Variants in GALNTL6 observed in about 807,000 individuals in gnomAD.
GALNTL6 encodes the protein polypeptide N-acetylgalactosaminyltransferase-like 6.
A neutral mutation model predicts 73.7 loss-of-function variants in GALNTL6; 46 were observed. The ratio of observed to expected loss-of-function variants is 0.62; its 90% CI spans 0.49 to 0.80. The LOEUF (loss-of-function observed/expected upper bound fraction) is 0.80. Ranked by LOEUF, GALNTL6 falls within the 30% of genes least tolerant of loss-of-function variation. The probability of loss-of-function intolerance (pLI) is 0.00; values close to 1 mark genes in which losing one functional copy is unlikely to be tolerated. For missense variants in GALNTL6, 604 were observed against 755.0 expected (o/e 0.80, Z 2.34); for synonymous variants, 259 against 263.7 (o/e 0.98, Z 0.17).
chr4:172,641,913 G>T (rs1560852345), intron 5 of GALNTL6, among the ~76,000 whole-genome samples: 1 of 151,908 alleles, frequency 6.6e-6, no homozygotes, highest in Non-Finnish European at 1.5e-5. Context: ...GAAAAAATGG[G>T]CGGAGGACCT....
At chr4:172,445,210 C>A (rs962652105) in intron 5 of GALNTL6, among the ~76,000 whole-genome samples, 1 of 152,124 alleles carries the variant, frequency 6.6e-6, no homozygotes, top group Non-Finnish European at 1.5e-5. Context: ...AGCCACAGCT[C>A]ATTTTAATTC....
chr4:171,865,291 G>A (rs1344942437), intron 2 of GALNTL6, among the ~76,000 whole-genome samples: 1 of 152,138 alleles, frequency 6.6e-6, no homozygotes, highest in African/African-American at 2.4e-5. Flanking sequence ...CATACAAATG[G>A]GTGCTGGCTG....
chr4:173,030,316 T>TA (rs1753404746), intron 12 of GALNTL6, among the ~76,000 whole-genome samples: 1 of 152,220 alleles, frequency 6.6e-6, no homozygotes, highest in South Asian at 2.1e-4. Flanking sequence ...ATCCTGTTTT[T>TA]AGCTGTATGT....
intron 2 of GALNTL6, among the ~76,000 whole-genome samples, chr4:172,155,763 G>T (rs1734234799): frequency 6.6e-6 from 1 of 152,098 alleles, no homozygotes; most frequent in Non-Finnish European, 1.5e-5. Flanking sequence ...AGATTACTGA[G>T]ATATTTTACT....
chr4:172,653,410 G>A (rs919702327), intron 5 of GALNTL6, among the ~76,000 whole-genome samples: 11 of 151,762 alleles, frequency 7.2e-5, no homozygotes, highest in African/African-American at 2.4e-4. Flanking sequence ...TAGTAGAAAC[G>A]GGGTTTCACC....
At chr4:172,680,341 A>G (rs1243649620) in intron 5 of GALNTL6, among the ~76,000 whole-genome samples, 1 of 152,146 alleles carries the variant, frequency 6.6e-6, no homozygotes. Flanking sequence ...TCAAAAGCAT[A>G]TAGTTTAACT....
intron 10 of GALNTL6, among the ~76,000 whole-genome samples, chr4:172,963,348 C>A (rs1750170921): frequency 1.3e-5 from 2 of 152,160 alleles, no homozygotes; most frequent in Non-Finnish European, 2.9e-5. Flanking sequence ...CATACTTAAA[C>A]ACTCCCTACT....
chr4:172,746,565 A>C (rs1737118838), intron 5 of GALNTL6, among the ~76,000 whole-genome samples: 1 of 152,034 alleles, frequency 6.6e-6, no homozygotes, highest in Admixed American at 6.6e-5. Context: ...TATAATAGTT[A>C]ATATTTTGCA....
chr4:172,958,647 G>A (rs1002062873), intron 10 of GALNTL6, among the ~76,000 whole-genome samples: 8 of 152,154 alleles, frequency 5.3e-5, no homozygotes, highest in Non-Finnish European at 7.3e-5. Context: ...GAGCGCACGT[G>A]TGTTTTTATG....
chr4:172,925,095 A>G (rs1747984874), intron 8 of GALNTL6, among the ~76,000 whole-genome samples: 2 of 151,194 alleles, frequency 1.3e-5, no homozygotes, highest in African/African-American at 4.9e-5. Flanking sequence ...GATGGTCTCA[A>G]TCTCCTGACC....
intron 7 of GALNTL6, among the ~76,000 whole-genome samples, chr4:172,824,484 A>G (rs1172978533): frequency 6.6e-6 from 1 of 151,894 alleles, no homozygotes; most frequent in Non-Finnish European, 1.5e-5. Flanking sequence ...TATATTATTT[A>G]TATGTGTATG....
chr4:172,368,406 A>C (rs1255368757), intron 5 of GALNTL6, among the ~76,000 whole-genome samples: 1 of 152,184 alleles, frequency 6.6e-6, no homozygotes, highest in Non-Finnish European at 1.5e-5. Flanking sequence ...AACAAAAAAA[A>C]ACAAAATAAT....
intron 5 of GALNTL6, among the ~76,000 whole-genome samples, chr4:172,694,692 G>A (rs56861031): frequency 3.9e-5 from 6 of 152,194 alleles, no homozygotes; most frequent in Admixed American, 1.3e-4. Context: ...GAGGAAAGTA[G>A]GGTTATTTCC....
intron 5 of GALNTL6, among the ~76,000 whole-genome samples, chr4:172,709,371 G>C (rs2111319251): frequency 6.6e-6 from 1 of 152,296 alleles, no homozygotes; most frequent in Non-Finnish European, 1.5e-5. Context: ...TTAGCCAGTT[G>C]AAAAAGTTTA....
intron 5 of GALNTL6, among the ~76,000 whole-genome samples, chr4:172,756,691 T>C (rs1668147317): frequency 1.3e-5 from 2 of 152,148 alleles, no homozygotes. Context: ...GAGTTTGTTT[T>C]ATACAGATTA....
intron 2 of GALNTL6, among the ~76,000 whole-genome samples, chr4:172,063,048 A>G (rs1184974048): frequency 6.6e-6 from 1 of 152,214 alleles, no homozygotes; most frequent in Non-Finnish European, 1.5e-5. Flanking sequence ...AGCTGTTGGC[A>G]CCAGAGTAAG....
intron 5 of GALNTL6, among the ~76,000 whole-genome samples, chr4:172,455,392 A>G (rs891027830): frequency 6.6e-6 from 1 of 152,106 alleles, no homozygotes; most frequent in Non-Finnish European, 1.5e-5. Context: ...GGCTGAAGCC[A>G]TGGAGCCAAG....
At chr4:172,738,591 T>TA (rs1736605177) in intron 5 of GALNTL6, among the ~76,000 whole-genome samples, 1 of 129,256 alleles carries the variant, frequency 7.7e-6, no homozygotes, top group African/African-American at 3.4e-5. Flanking sequence ...AAATATATTT[T>TA]AAAACGTGTC....
chr4:172,388,182 A>T (rs1743538836), intron 5 of GALNTL6, among the ~76,000 whole-genome samples: 1 of 152,146 alleles, frequency 6.6e-6, no homozygotes, highest in South Asian at 2.1e-4. Flanking sequence ...AGTTTTGCTT[A>T]TTCCAGAGCT....
Sources: gnomAD v4.1 joint callset for allele counts (sites outside exome capture counted in the v4.1 genomes callset) on GRCh38, gnomAD v4.1.1 for gene constraint, MANE v1.5 for transcripts, NCBI Gene and HGNC (gene_info 2026-07-23, HGNC 2026-07-21) for gene names.